Variants in GRIK5 observed in about 807,000 individuals in gnomAD.
GRIK5 encodes the protein glutamate receptor ionotropic, kainate 5.
Under a neutral mutation model 97.4 loss-of-function variants are expected in GRIK5, and 43 were observed. That is an observed-to-expected ratio of 0.44 (90% confidence interval 0.35 to 0.57). The LOEUF (loss-of-function observed/expected upper bound fraction) is 0.57, where lower values mean the gene tolerates loss of function less well. Among genes scored for constraint, GRIK5 ranks in the 20% least tolerant of loss-of-function variants. The pLI, the probability that GRIK5 is intolerant of heterozygous loss-of-function variation, is 0.01. For synonymous variants in GRIK5, 580 were observed against 583.5 expected (o/e 0.99, Z 0.09); for missense variants, 1,015 against 1,382.0 (o/e 0.73, Z 4.21).
intron 11 of GRIK5, among the ~76,000 whole-genome samples, chr19:42,052,339 C>T (rs892044050): frequency 6.6e-6 from 1 of 152,028 alleles, no homozygotes; most frequent in South Asian, 2.1e-4. Context: ...GGATTGACCG[C>T]ACACCACAGC....
rs994986420 is a variant in GRIK5, at chr19:42,065,458, C to T, written c.80-71G>A. Reference sequence around the variant, plus strand: ...AAGGAGGGGGCTGTGGTCTTAGACTCCAGGGCTCTAGGGTGAGGTGGGTAT... The same window carrying T: ...AAGGAGGGGGCTGTGGTCTTAGACTTCAGGGCTCTAGGGTGAGGTGGGTAT... On this transcript the variant is annotated intron_variant, in intron 2 of 19. Coordinates refer to ENST00000593562, the MANE Select transcript of GRIK5 (RefSeq NM_002088.5). This position sits in a 1 kb window ranked among gnomAD's most constrained non-coding sequence, Gnocchi z 5.8. 8 of 1,466,958 alleles carry T rather than the reference C, an allele frequency of 5.5e-6. No individual in the cohort carries two copies. The highest frequency in any genetic ancestry group is 7.4e-6 in the Non-Finnish European group (8 of 1,087,430). The allele number at this position is 1,466,958 out of a possible 1,614,324, so 90.9% of individuals were successfully genotyped here. A position where few individuals can be genotyped will look rare whatever the true frequency, so the allele number is the denominator to read the frequency against.
intron 1 of GRIK5, among the ~76,000 whole-genome samples, chr19:42,067,762 G>A (rs2076357927): frequency 6.6e-6 from 1 of 152,142 alleles, no homozygotes; most frequent in African/African-American, 2.4e-5. Context: ...CAAGACGTAG[G>A]AACTGAGGCT....
chr19:42,036,183 C>T (rs2075902233), intron 12 of GRIK5, among the ~76,000 whole-genome samples: 1 of 151,884 alleles, frequency 6.6e-6, no homozygotes, highest in Admixed American at 6.6e-5. Context: ...CCTCAGCCTC[C>T]TGAGTAGCTG....
intron 12 of GRIK5, among the ~76,000 whole-genome samples, chr19:42,035,048 G>C (rs913310252): frequency 1.3e-5 from 2 of 152,146 alleles, no homozygotes; most frequent in Middle Eastern, 3.4e-3. Flanking sequence ...GCACCATCTC[G>C]GCTCACCACA....
chr19:42,025,423 C>G (rs2075758917), intron 12 of GRIK5, among the ~76,000 whole-genome samples: 1 of 152,066 alleles, frequency 6.6e-6, no homozygotes, highest in African/African-American at 2.4e-5. Flanking sequence ...AGTGACTCCT[C>G]CCTGGATCCC....
intron 1 of GRIK5, among the ~76,000 whole-genome samples, chr19:42,066,841 T>G (rs1230264330): frequency 1.3e-5 from 2 of 151,552 alleles, no homozygotes; most frequent in Admixed American, 6.6e-5. Flanking sequence ...AGGAACCGAC[T>G]CGGATACAAG....
At chr19:42,019,749 C>G (rs998734619) in intron 15 of GRIK5, among the ~76,000 whole-genome samples, 3 of 152,136 alleles carry the variant, frequency 2.0e-5, no homozygotes, top group African/African-American at 7.2e-5. Flanking sequence ...GGCCACAAAC[C>G]AAGGAATGCA....
chr19:42,000,031 C>G (rs781899574), intron 19 of GRIK5, among the ~76,000 whole-genome samples: 2 of 152,160 alleles, frequency 1.3e-5, no homozygotes, highest in Non-Finnish European at 2.9e-5. Flanking sequence ...TGACTTGGCA[C>G]GTCTGAGGCA....
chr19:42,034,297 G>A (rs1156953064), intron 12 of GRIK5, among the ~76,000 whole-genome samples: 1 of 151,966 alleles, frequency 6.6e-6, no homozygotes, highest in African/African-American at 2.4e-5. Flanking sequence ...GGAGGTTGAG[G>A]TTGCAGTGAG....
At chr19:42,053,998 G>A (rs186222109) in intron 9 of GRIK5, 69 bp from the exon 10 acceptor site, 33 of 1,023,544 alleles carry the variant, frequency 3.2e-5, no homozygotes, top group Non-Finnish European at 4.3e-5. Flanking sequence ...AAGGCCCAAC[G>A]TGGTGAGACA....
rs2076324513 is a variant in GRIK5, at chr19:42,065,831, AC to A, written c.-50-12del. On this transcript the variant is annotated splice_polypyrimidine_tract_variant and intron_variant, in intron 1 of 19. Coordinates refer to ENST00000593562, the MANE Select transcript of GRIK5 (RefSeq NM_002088.5). The surrounding 1 kb of genome is among the most constrained non-coding windows in gnomAD (Gnocchi z 5.8). ...GCCCCCACTCGCCACCTGCAGGGAGACCCCCCAGACCAAGGGGAGATTACTA... is the reference window on the plus strand; with the variant it reads ...GCCCCCACTCGCCACCTGCAGGGAGACCCCCAGACCAAGGGGAGATTACTA... 7.5e-6 allele frequency: 10 copies of A among 1,332,376 alleles called. No homozygotes were observed. Among genetic ancestry groups the A allele is most frequent in the Middle Eastern group, 1.8e-4 (1 of 5,584 alleles). 82.5% of individuals were successfully genotyped at this position (1,332,376 alleles called of 1,614,324 possible). A position where few individuals can be genotyped will look rare whatever the true frequency, so the allele number is the denominator to read the frequency against.
At chr19:42,060,882 T>C (rs1205575185) in intron 5 of GRIK5, among the ~76,000 whole-genome samples, 6 of 152,078 alleles carry the variant, frequency 3.9e-5, no homozygotes, top group African/African-American at 9.7e-5. Context: ...CATTTCTACT[T>C]TTCCATAGAA....
intron 1 of GRIK5, chr19:42,068,386 A>T (rs1431505862): frequency 4.8e-6 from 1 of 208,126 alleles, no homozygotes; most frequent in Non-Finnish European, 9.6e-6. Context: ...AGGCCACGCG[A>T]GGTAACACAG....
At chr19:42,064,443 A>C (rs1314158517) in intron 3 of GRIK5, among the ~76,000 whole-genome samples, 1 of 151,198 alleles carries the variant, frequency 6.6e-6, no homozygotes, top group Non-Finnish European at 1.5e-5. Flanking sequence ...CTTGGCTCCA[A>C]ATACTTCCCT....
intron 11 of GRIK5, among the ~76,000 whole-genome samples, chr19:42,053,192 G>T (rs1320281595): frequency 6.6e-6 from 1 of 152,160 alleles, no homozygotes; most frequent in Admixed American, 6.5e-5. Context: ...TTCCAGTCCT[G>T]GCTGTGCCGG....
intron 12 of GRIK5, among the ~76,000 whole-genome samples, chr19:42,040,986 T>A (rs2075970605): frequency 6.6e-6 from 1 of 152,168 alleles, no homozygotes; most frequent in South Asian, 2.1e-4. Flanking sequence ...GGCAGCGCCT[T>A]GGGACCTGCC....
chr19:42,061,108 C>T (rs990887931), intron 5 of GRIK5, among the ~76,000 whole-genome samples: 2 of 152,128 alleles, frequency 1.3e-5, no homozygotes, highest in African/African-American at 4.8e-5. Flanking sequence ...AGTGCAGTGG[C>T]GTGATCTCAG....
chr19:42,018,798 G>T (rs1448058257), intron 15 of GRIK5, among the ~76,000 whole-genome samples: 1 of 151,684 alleles, frequency 6.6e-6, no homozygotes, highest in Non-Finnish European at 1.5e-5. Context: ...GAGGGGCCCA[G>T]GTAGTGGGCT....
chr19:42,068,835 CG>C, intron 1 of GRIK5: 1 of 659,338 alleles, frequency 1.5e-6, no homozygotes, highest in Non-Finnish European at 2.8e-6. Context: ...AGAGACTGGA[CG>C]GGGTGGGGAC....
Sources: gnomAD v4.1 joint callset for allele counts (sites outside exome capture counted in the v4.1 genomes callset) on GRCh38, gnomAD v4.1.1 for gene constraint, Gnocchi (gnomAD v3.1) non-coding constraint, MANE v1.5 for transcripts, NCBI Gene and HGNC (gene_info 2026-07-23, HGNC 2026-07-21) for gene names.